Variants in CDH4 observed in about 807,000 individuals in gnomAD.
CDH4 encodes the protein cadherin-4.
In CDH4, 33 loss-of-function variants were observed where a neutral mutation model predicts 86.0. That is an observed-to-expected ratio of 0.38 (90% CI 0.29 to 0.51). The LOEUF (loss-of-function observed/expected upper bound fraction) is 0.51. CDH4 is among the 20% of genes least tolerant of loss of function. CDH4 has a pLI of 0.86. For synonymous variants in CDH4, 555 were observed against 549.4 expected, an observed-to-expected ratio of 1.01 and a Z score of -0.14; for missense variants, 1,114 against 1,307.4, an observed-to-expected ratio of 0.85 and a Z score of 2.28.
chr20:61,768,256 AAC>A lies in CDH4; in HGVS notation c.397-4741_397-4740del, dbSNP rs1423913144. ...TACCTGTGCATGTGTAGAATGCATA[AAC>A]ACACATGTATTCATACATGTGCATT... On this transcript the variant is annotated intron_variant, in intron 3 of 15. Transcript: ENST00000614565. Among the ~76,000 whole-genome samples the A allele has an allele frequency of 7.2e-5, 11 of 152,280 alleles. No individual in the cohort carries two copies. In the East Asian group the frequency reaches 1.5e-3, roughly 21 times the overall value.
intron 2 of CDH4, among the ~76,000 whole-genome samples, chr20:61,626,232 C>T (rs1008114280): frequency 1.1e-4 from 16 of 152,082 alleles, no homozygotes; most frequent in African/African-American, 3.9e-4. Context: ...GCGGAGCAGG[C>T]CAAGGGGTGG....
intron 6 of CDH4, among the ~76,000 whole-genome samples, chr20:61,862,132 A>G (rs1373373158): frequency 6.6e-6 from 1 of 152,040 alleles, no homozygotes; most frequent in Non-Finnish European, 1.5e-5. Flanking sequence ...TTCTGCACAG[A>G]TGTCTTGCCC....
At chr20:61,858,325 C>CTGTCTGTGTCTGTA (rs1555849381) in intron 6 of CDH4, among the ~76,000 whole-genome samples, 13 of 145,700 alleles carry the variant, frequency 8.9e-5, no homozygotes, top group Non-Finnish European at 1.5e-5. Context: ...GTGTCTGTGT[C>CTGTCTGTGTCTGTA]TGTCTGTGTC....
At chr20:61,667,972 C>A (rs1046506312) in intron 2 of CDH4, among the ~76,000 whole-genome samples, 7 of 152,200 alleles carry the variant, frequency 4.6e-5, no homozygotes, top group Admixed American at 4.6e-4. Context: ...TCATTGCAGA[C>A]ATTAGAGTAA....
intron 2 of CDH4, among the ~76,000 whole-genome samples, chr20:61,567,583 C>A (rs895417251): frequency 6.6e-6 from 1 of 152,176 alleles, no homozygotes; most frequent in African/African-American, 2.4e-5. Flanking sequence ...ACACAAAATT[C>A]GAAATTTGGG....
chr20:61,363,374 G>C (rs2084794632), intron 2 of CDH4, among the ~76,000 whole-genome samples: 1 of 152,098 alleles, frequency 6.6e-6, no homozygotes, highest in Non-Finnish European at 1.5e-5. Flanking sequence ...TCCTTATGGA[G>C]CGCCAGTCTT....
intron 2 of CDH4, among the ~76,000 whole-genome samples, chr20:61,673,846 C>G (rs1242474552): frequency 6.6e-6 from 1 of 152,176 alleles, no homozygotes; most frequent in Non-Finnish European, 1.5e-5. Flanking sequence ...CTCTTCTAGA[C>G]AATATGACAA....
At chr20:61,301,642 A>C (rs2084386810) in intron 2 of CDH4, among the ~76,000 whole-genome samples, 1 of 152,232 alleles carries the variant, frequency 6.6e-6, no homozygotes, top group South Asian at 2.1e-4. Flanking sequence ...GATTTATTGA[A>C]TATACATCAT....
chr20:61,546,289 CGA>C (rs1213730949), intron 2 of CDH4, among the ~76,000 whole-genome samples: 11 of 138,362 alleles, frequency 8.0e-5, no homozygotes, highest in Middle Eastern at 3.9e-3. Flanking sequence ...TGTGTGCGCT[CGA>C]GTGTGCATGA....
chr20:61,886,938 T>A lies in CDH4; in HGVS notation c.1051-7972T>A, dbSNP rs148383945. Among the ~76,000 whole-genome samples, 221 of 152,202 alleles carry A rather than the reference T, an allele frequency of 1.5e-3. 4 individuals are homozygous for A. In the East Asian group the frequency reaches 0.04, roughly 28 times the overall value. ...CCCGCCTCACAGGAATGAAATGCAC[T>A]TGAGGGCAAAGGGAGCAGCCCAATG... On this transcript the variant is annotated intron_variant, in intron 7 of 15. Coordinates refer to ENST00000614565, the MANE Select transcript of CDH4 (RefSeq NM_001794.5).
chr20:61,845,947 C>G (rs1982435323), intron 5 of CDH4, among the ~76,000 whole-genome samples: 1 of 152,248 alleles, frequency 6.6e-6, no homozygotes, highest in Non-Finnish European at 1.5e-5. Context: ...TGCATAGGGG[C>G]AGGGAACCCT....
intron 8 of CDH4, among the ~76,000 whole-genome samples, chr20:61,906,440 G>A (rs16985699): frequency 0.033 from 4,991 of 152,362 alleles, 237 homozygotes; most frequent in African/African-American, 0.11. Context: ...CCGCAGGACC[G>A]GAGCGGCATG....
In CDH4 at chr20:61,517,115, T is replaced by C. The variant is rs982266949; in HGVS notation, c.170-226448T>C. Among the ~76,000 whole-genome samples, 2 of 152,182 alleles carry C rather than the reference T, an allele frequency of 1.3e-5. No individual in the cohort carries two copies. Among genetic ancestry groups the C allele is most frequent in the Admixed American group, 6.5e-5 (1 of 15,288 alleles). On this transcript the variant is annotated intron_variant, in intron 2 of 15. Transcript: ENST00000614565. This position sits in a 1 kb window ranked among gnomAD's most constrained non-coding sequence, Gnocchi z 6.6. ...TCCCTCAGGCCCCTTGTGGCCACGA[T>C]CCCTTCACCAAAGGGTAACCAGATT...
chr20:61,812,222 C>G (rs549174224), intron 4 of CDH4, among the ~76,000 whole-genome samples: 1 of 151,758 alleles, frequency 6.6e-6, no homozygotes, highest in Non-Finnish European at 1.5e-5. Context: ...TGGTAGGGGT[C>G]GGGGAGCAGC....
chr20:61,340,776 C>T (rs1454186534), intron 2 of CDH4, among the ~76,000 whole-genome samples: 1 of 151,902 alleles, frequency 6.6e-6, no homozygotes, highest in Non-Finnish European at 1.5e-5. Context: ...GACGAGGTCT[C>T]ACTTTGTTGC....
intron 2 of CDH4, among the ~76,000 whole-genome samples, chr20:61,477,343 G>A (rs76567415): frequency 8.7e-5 from 6 of 68,674 alleles, no homozygotes; most frequent in Admixed American, 4.7e-4. Context: ...GGGGTTAGGC[G>A]TGGAAACGAG....
intron 2 of CDH4, among the ~76,000 whole-genome samples, chr20:61,522,606 T>C (rs1458029208): frequency 6.6e-6 from 1 of 152,250 alleles, no homozygotes; most frequent in African/African-American, 2.4e-5. Context: ...TTTTTATTAA[T>C]TGATTCATTT....
At chr20:61,853,674 G>A (rs1447624288) in intron 6 of CDH4, among the ~76,000 whole-genome samples, 2 of 152,210 alleles carry the variant, frequency 1.3e-5, no homozygotes, top group Non-Finnish European at 2.9e-5. Context: ...GCGCACATGG[G>A]TTAGAACCTG....
chr20:61,816,553 C>T (rs1234066261), intron 4 of CDH4, among the ~76,000 whole-genome samples: 1 of 152,190 alleles, frequency 6.6e-6, no homozygotes, highest in East Asian at 1.9e-4. Flanking sequence ...GAGACTTATT[C>T]AAACAACTGC....
Sources: allele counts gnomAD v4.1 joint callset (sites outside exome capture counted in the v4.1 genomes callset), GRCh38; gene constraint gnomAD v4.1.1; non-coding constraint Gnocchi (gnomAD v3.1); transcripts MANE v1.5; gene names NCBI Gene and HGNC (gene_info 2026-07-23, HGNC 2026-07-21).